Variants in MLLT3 observed in about 807,000 individuals in gnomAD.
The protein encoded by MLLT3 is MLLT3 super elongation complex subunit, also known as protein AF-9.
A neutral mutation model predicts 53.2 loss-of-function variants in MLLT3; 4 were observed. The ratio of observed to expected loss-of-function variants is 0.08; its 90% CI spans 0.04 to 0.17. The LOEUF (loss-of-function observed/expected upper bound fraction) is 0.17. Ranked by LOEUF, MLLT3 falls within the 10% of genes least tolerant of loss-of-function variation. MLLT3 has a pLI of 1.00. For synonymous variants in MLLT3, 283 were observed against 230.6 expected (o/e 1.23, Z -2.06); for missense variants, 569 against 684.0 (o/e 0.83, Z 1.87).
chr9:20,423,323 C>CA (rs1370807368), intron 4 of MLLT3, among the ~76,000 whole-genome samples: 2 of 152,150 alleles, frequency 1.3e-5, no homozygotes, highest in African/African-American at 4.8e-5. Context: ...GGGAGAGGCT[C>CA]AATGACTGTA....
chr9:20,531,059 T>G (rs1818320055), intron 2 of MLLT3, among the ~76,000 whole-genome samples: 1 of 151,346 alleles, frequency 6.6e-6, no homozygotes, highest in South Asian at 2.1e-4. Flanking sequence ...AATCCAAGAA[T>G]AATCCAGTTT....
At chr9:20,514,361 TGA>T (rs1234294735) in intron 2 of MLLT3, among the ~76,000 whole-genome samples, 2 of 152,120 alleles carry the variant, frequency 1.3e-5, no homozygotes, top group African/African-American at 4.8e-5. Context: ...ATCTGGGATG[TGA>T]GACTGGGGTA....
At chr9:20,571,829 C>T (rs1218115622) in intron 2 of MLLT3, among the ~76,000 whole-genome samples, 1 of 152,176 alleles carries the variant, frequency 6.6e-6, no homozygotes, top group Non-Finnish European at 1.5e-5. Context: ...AATAAGATAT[C>T]ATTTCACTTC....
chr9:20,376,637 G>A (rs1821772657), intron 5 of MLLT3, among the ~76,000 whole-genome samples: 1 of 152,104 alleles, frequency 6.6e-6, no homozygotes, highest in Non-Finnish European at 1.5e-5. Flanking sequence ...TCGGGGAGCA[G>A]GGGTCTATAA....
At chr9:20,618,916 C>A (rs1296448659) in intron 2 of MLLT3, among the ~76,000 whole-genome samples, 1 of 152,106 alleles carries the variant, frequency 6.6e-6, no homozygotes, top group Non-Finnish European at 1.5e-5. Flanking sequence ...ACATCTTCTG[C>A]CAACTGAGTT....
intron 2 of MLLT3, among the ~76,000 whole-genome samples, chr9:20,545,856 C>CAA (rs5896901): frequency 0.034 from 3,348 of 99,178 alleles, 51 homozygotes; most frequent in Middle Eastern, 0.068. Context: ...CAGTCTCTAC[C>CAA]AAAAAAAAAA....
At chr9:20,551,469 A>T (rs148806243) in intron 2 of MLLT3, among the ~76,000 whole-genome samples, 34 of 152,204 alleles carry the variant, frequency 2.2e-4, no homozygotes, top group African/African-American at 5.8e-4. Context: ...GTCCAGAAGC[A>T]TATCTTCTAA....
At chr9:20,565,940 ATATATATATATATTTATATATATATATT>A (rs1328335405) in intron 2 of MLLT3, among the ~76,000 whole-genome samples, 1 of 12,264 alleles carries the variant, frequency 8.2e-5, no homozygotes, top group Non-Finnish European at 1.5e-4. Flanking sequence ...ATATATATTT[ATATATATATATATTTATATATATATATT>A]TATATATATA....
At chr9:20,543,691 AGAGGAAGAGGAAGAG>A (rs979908328) in intron 2 of MLLT3, among the ~76,000 whole-genome samples, 1 of 150,612 alleles carries the variant, frequency 6.6e-6, no homozygotes, top group Non-Finnish European at 1.5e-5. Context: ...AGGAGGAGGA[AGAGGAAGAGGAAGAG>A]GAGGAGGACG....
chr9:20,622,196 G>C (rs1821039335), intron 1 of MLLT3, 49 bp downstream of exon 1: 7 of 1,556,890 alleles, frequency 4.5e-6, no homozygotes, highest in Non-Finnish European at 6.2e-6. Context: ...CGCAGGGCGA[G>C]GAAGGAAAGT....
intron 4 of MLLT3, among the ~76,000 whole-genome samples, chr9:20,445,915 C>G (rs1586954640): frequency 6.6e-6 from 1 of 152,202 alleles, no homozygotes; most frequent in African/African-American, 2.4e-5. Context: ...CTCATTAAAT[C>G]AGAATGGCTC....
intron 10 of MLLT3, among the ~76,000 whole-genome samples, chr9:20,350,559 C>A (rs552858928): frequency 6.9e-6 from 1 of 144,066 alleles, no homozygotes; most frequent in Admixed American, 6.9e-5. Context: ...CCCGCCACTG[C>A]ACTCCAGCCT....
chr9:20,606,271 G>T (rs1160925354), intron 2 of MLLT3, among the ~76,000 whole-genome samples: 1 of 151,566 alleles, frequency 6.6e-6, no homozygotes, highest in Non-Finnish European at 1.5e-5. Flanking sequence ...TGGTACATAG[G>T]ACTGGTTATT....
intron 2 of MLLT3, among the ~76,000 whole-genome samples, chr9:20,496,165 T>C (rs1258235444): frequency 6.6e-6 from 1 of 152,248 alleles, no homozygotes; most frequent in Non-Finnish European, 1.5e-5. Context: ...TTTATCCCTC[T>C]ACAATCATTG....
chr9:20,502,007 G>C (rs1825249759), intron 2 of MLLT3, among the ~76,000 whole-genome samples: 1 of 150,298 alleles, frequency 6.7e-6, no homozygotes, highest in Admixed American at 6.6e-5. Context: ...CTTGAACATG[G>C]GAGGCGGAGG....
At chr9:20,414,605 C>A (rs1822826939) in intron 4 of MLLT3, among the ~76,000 whole-genome samples, 180 bp from the exon 5 acceptor site, 1 of 152,014 alleles carries the variant, frequency 6.6e-6, no homozygotes, top group Non-Finnish European at 1.5e-5. Context: ...ATGTGAGAAA[C>A]AGGTGAGAGT....
intron 2 of MLLT3, among the ~76,000 whole-genome samples, chr9:20,515,103 C>A (rs994824388): frequency 6.6e-6 from 1 of 151,896 alleles, no homozygotes; most frequent in African/African-American, 2.4e-5. Context: ...CCCGCCACCA[C>A]GCCCGGCTAA....
rs367620600 is a variant in MLLT3 at position 20,345,328 on chromosome 9, G to A, written c.*1115C>T. 6 of 211,016 alleles carry A rather than the reference G, an allele frequency of 2.8e-5. No individual in the cohort carries two copies. Among genetic ancestry groups the A allele is most frequent in the African/African-American group, 1.4e-4 (6 of 44,108 alleles). The allele number at this position is 211,016 out of a possible 1,614,324, so 13.1% of individuals were successfully genotyped here. On this transcript the variant is annotated 3_prime_UTR_variant, in exon 11 of 11. Coordinates refer to ENST00000380338, the MANE Select transcript of MLLT3 (RefSeq NM_004529.4). ...TTTTAATTTTTTCAAATATAAAAGT[G>A]TCTAAGAGAATCATATGTGAACAAA...
chr9:20,415,174 G>A (rs1440882290), intron 4 of MLLT3, among the ~76,000 whole-genome samples: 1 of 152,258 alleles, frequency 6.6e-6, no homozygotes, highest in Admixed American at 6.5e-5. Context: ...TTTTTATGCT[G>A]TATAAAATTT....
Sources: gnomAD v4.1 joint callset for allele counts (sites outside exome capture counted in the v4.1 genomes callset) on GRCh38, gnomAD v4.1.1 for gene constraint, MANE v1.5 for transcripts, NCBI Gene and HGNC (gene_info 2026-07-23, HGNC 2026-07-21) for gene names.